The following EGFLAM variants were observed in gnomAD, a reference collection of about 807,000 sequenced individuals.
EGFLAM encodes the protein pikachurin.
In EGFLAM, 79 loss-of-function variants were observed where a neutral mutation model predicts 113.1. The observed-to-expected ratio is 0.70, with a 90% CI of 0.58 to 0.84. The LOEUF (loss-of-function observed/expected upper bound fraction) is 0.84, where lower values mean the gene tolerates loss of function less well. EGFLAM is among the 40% of genes least tolerant of loss of function. The pLI is 0.00. For missense variants in EGFLAM, 1,265 were observed against 1,291.6 expected (o/e 0.98, Z 0.32); for synonymous variants, 504 against 487.6 (o/e 1.03, Z -0.44).
At chr5:38,393,705 G>T (rs1385567448) in intron 6 of EGFLAM, among the ~76,000 whole-genome samples, 1 of 152,220 alleles carries the variant, frequency 6.6e-6, no homozygotes, top group Non-Finnish European at 1.5e-5. Flanking sequence ...ACGAATGCTG[G>T]CACTGGCTGG....
intron 1 of EGFLAM, among the ~76,000 whole-genome samples, chr5:38,281,642 T>C (rs1428247): frequency 0.48 from 73,033 of 151,922 alleles, 18,261 homozygotes; most frequent in Middle Eastern, 0.6. Flanking sequence ...GGAAATTGAG[T>C]ATGACATTTG....
chr5:38,370,267 T>C, intron 5 of EGFLAM, 29 bp from the exon 6 acceptor site: 2 of 1,603,218 alleles, frequency 1.2e-6, no homozygotes, highest in East Asian at 2.2e-5. Flanking sequence ...TCTGAACTAC[T>C]GCTTCTTCTG....
chr5:38,331,807 AATTT>A (rs1397956585), intron 1 of EGFLAM, among the ~76,000 whole-genome samples: 2 of 152,152 alleles, frequency 1.3e-5, no homozygotes, highest in Non-Finnish European at 2.9e-5. Flanking sequence ...GAAGTACCAC[AATTT>A]ATTTATCCAT....
intron 1 of EGFLAM, among the ~76,000 whole-genome samples, chr5:38,297,409 G>A (rs888448424): frequency 1.2e-4 from 19 of 152,106 alleles, no homozygotes; most frequent in African/African-American, 4.1e-4. Context: ...ATTGTTTTCC[G>A]TTATTTACTT....
chr5:38,312,028 T>G (rs1579757811), intron 1 of EGFLAM, among the ~76,000 whole-genome samples: 2 of 152,340 alleles, frequency 1.3e-5, no homozygotes, highest in East Asian at 3.9e-4. Context: ...CATCGTCATT[T>G]AATTCTCAAA....
intron 5 of EGFLAM, among the ~76,000 whole-genome samples, chr5:38,369,031 G>A (rs894804672): frequency 4.6e-5 from 7 of 152,126 alleles, no homozygotes; most frequent in Admixed American, 2.0e-4. Flanking sequence ...CTGTCTGCAG[G>A]CCATGCACAA....
chr5:38,349,704 C>T (rs1293306319), intron 3 of EGFLAM, among the ~76,000 whole-genome samples: 1 of 151,466 alleles, frequency 6.6e-6, no homozygotes, highest in Non-Finnish European at 1.5e-5. Context: ...TGCCAAAGCT[C>T]AAGGTGGAGA....
chr5:38,391,584 A>T (rs1405116740), intron 6 of EGFLAM, among the ~76,000 whole-genome samples: 1 of 150,630 alleles, frequency 6.6e-6, no homozygotes, highest in African/African-American at 2.4e-5. Flanking sequence ...TTTTTAGTAG[A>T]GATGGGGTTT....
intron 6 of EGFLAM, among the ~76,000 whole-genome samples, chr5:38,405,840 G>A (rs187282916): frequency 4.6e-5 from 7 of 152,244 alleles, no homozygotes; most frequent in East Asian, 3.9e-4. Context: ...CATTGATCCC[G>A]TCCTTAGTAA....
chr5:38,261,107 T>C (rs1206537273), intron 1 of EGFLAM, among the ~76,000 whole-genome samples: 1 of 152,214 alleles, frequency 6.6e-6, no homozygotes, highest in East Asian at 1.9e-4. Flanking sequence ...TATAGCATTG[T>C]TGGAGAAGTC....
At chr5:38,295,482 C>G (rs1381953216) in intron 1 of EGFLAM, among the ~76,000 whole-genome samples, 1 of 152,070 alleles carries the variant, frequency 6.6e-6, no homozygotes, top group African/African-American at 2.4e-5. Context: ...AGGGAATGAC[C>G]AAACAGAACA....
intron 5 of EGFLAM, among the ~76,000 whole-genome samples, chr5:38,369,461 G>T (rs542127455): frequency 6.6e-6 from 1 of 152,298 alleles, no homozygotes; most frequent in East Asian, 1.9e-4. Context: ...TAAGTTACTA[G>T]TTCTGTGAAG....
At chr5:38,301,813 C>A (rs1234912212) in intron 1 of EGFLAM, among the ~76,000 whole-genome samples, 1 of 152,082 alleles carries the variant, frequency 6.6e-6, no homozygotes, top group Admixed American at 6.5e-5. Context: ...AGCTGGTTAC[C>A]AGTCATGTCT....
At chr5:38,263,756 T>A (rs1757561891) in intron 1 of EGFLAM, among the ~76,000 whole-genome samples, 1 of 152,208 alleles carries the variant, frequency 6.6e-6, no homozygotes, top group African/African-American at 2.4e-5. Flanking sequence ...TTTTTTAGGT[T>A]TTACATTTAG....
intron 6 of EGFLAM, chr5:38,403,895 T>A: frequency 6.2e-7 from 1 of 1,613,884 alleles, no homozygotes; most frequent in Non-Finnish European, 8.5e-7. Flanking sequence ...CATCCAGGTA[T>A]AAATCTGGCA....
intron 1 of EGFLAM, among the ~76,000 whole-genome samples, chr5:38,293,353 A>G (rs553158489): frequency 6.6e-6 from 1 of 152,364 alleles, no homozygotes; most frequent in African/African-American, 2.4e-5. Flanking sequence ...TAAGGATAAC[A>G]ATACTTATTG....
intron 12 of EGFLAM, among the ~76,000 whole-genome samples, chr5:38,423,114 G>C (rs907711773): frequency 1.3e-5 from 2 of 152,154 alleles, no homozygotes; most frequent in African/African-American, 4.8e-5. Flanking sequence ...GCCAGGTCCT[G>C]TTCACAGCCA....
chr5:38,305,982 T>A (rs1363005463), intron 1 of EGFLAM, among the ~76,000 whole-genome samples: 1 of 152,126 alleles, frequency 6.6e-6, no homozygotes, highest in Non-Finnish European at 1.5e-5. Flanking sequence ...TCAGTGGGGA[T>A]GATGGGATAC....
chr5:38,431,631 T>C lies in EGFLAM; in HGVS notation c.2166+343T>C, dbSNP rs751908531. On this transcript the variant is annotated intron_variant, in intron 15 of 21. Transcript: ENST00000322350. ...GTAGGTAAGAACATGGACTCTGGGG[T>C]AGGGCCTGTGGTGCATGGGGGAGGC... Among the ~76,000 whole-genome samples the C allele has an allele frequency of 3.6e-4, 55 of 152,130 alleles. 1 individual carries two copies. The highest frequency in any genetic ancestry group is 3.9e-4 in the Admixed American group (6 of 15,270).
Sources: allele counts gnomAD v4.1 joint callset (sites outside exome capture counted in the v4.1 genomes callset), GRCh38; gene constraint gnomAD v4.1.1; transcripts MANE v1.5; gene names NCBI Gene and HGNC (gene_info 2026-07-23, HGNC 2026-07-21).